NRXN1: variants seen among roughly 807,000 people sequenced by gnomAD.
The protein encoded by NRXN1 is neurexin-1.
In NRXN1, 39 loss-of-function variants were observed where a neutral mutation model predicts 150.9. That is an observed-to-expected ratio of 0.26 (90% CI 0.20 to 0.34). NRXN1 has a LOEUF of 0.34. Ranked by LOEUF, NRXN1 falls within the 10% of genes least tolerant of loss-of-function variation. The probability of loss-of-function intolerance (pLI) is 1.00; values close to 1 mark genes in which losing one functional copy is unlikely to be tolerated. For missense variants in NRXN1, 1,815 were observed against 1,949.9 expected, an observed-to-expected ratio of 0.93 and a Z score of 1.30; for synonymous variants, 924 against 757.0, an observed-to-expected ratio of 1.22 and a Z score of -3.62.
intron 15 of NRXN1, among the ~76,000 whole-genome samples, chr2:50,480,922 A>C (rs947359583): frequency 6.6e-6 from 1 of 152,182 alleles, no homozygotes; most frequent in African/African-American, 2.4e-5. Flanking sequence ...ACCAGAAAAA[A>C]CAGCTCTGAC....
chr2:50,250,905 ATATT>A (rs921036997), intron 17 of NRXN1, among the ~76,000 whole-genome samples: 16 of 151,720 alleles, frequency 1.1e-4, no homozygotes, highest in African/African-American at 3.6e-4. Flanking sequence ...ATGTAATTGT[ATATT>A]TATTACACAT....
intron 21 of NRXN1, among the ~76,000 whole-genome samples, chr2:49,995,408 C>T (rs563647189): frequency 2.0e-5 from 3 of 152,110 alleles, no homozygotes; most frequent in Non-Finnish European, 2.9e-5. Flanking sequence ...GAGAGAAAAT[C>T]TTGAAAATGT....
chr2:50,943,476 C>A (rs1689818288), intron 2 of NRXN1, among the ~76,000 whole-genome samples: 1 of 152,156 alleles, frequency 6.6e-6, no homozygotes, highest in Non-Finnish European at 1.5e-5. Flanking sequence ...AAGAACATTT[C>A]TATTTCTCTT....
chr2:50,378,484 G>A (rs1040076763), intron 17 of NRXN1, among the ~76,000 whole-genome samples: 3 of 152,028 alleles, frequency 2.0e-5, no homozygotes, highest in Admixed American at 6.6e-5. Context: ...GTAGAATTTC[G>A]GTTGCTTACC....
chr2:50,888,357 A>C (rs892264405), intron 5 of NRXN1, among the ~76,000 whole-genome samples: 12 of 151,570 alleles, frequency 7.9e-5, no homozygotes, highest in African/African-American at 1.7e-4. Flanking sequence ...ATTTCTTCCA[A>C]CTGATTTCAT....
At chr2:50,594,501 A>G (rs904145300) in intron 8 of NRXN1, among the ~76,000 whole-genome samples, 5 of 152,154 alleles carry the variant, frequency 3.3e-5, no homozygotes, top group African/African-American at 1.2e-4. Flanking sequence ...TAAACATGGA[A>G]GAAAGACCTC....
At chr2:49,951,110 A>G (rs940006243) in intron 21 of NRXN1, among the ~76,000 whole-genome samples, 6 of 151,944 alleles carry the variant, frequency 3.9e-5, no homozygotes, top group African/African-American at 1.2e-4. Context: ...GTTCATTTTT[A>G]TGTACATTTG....
rs200285441 is a variant in NRXN1, at chr2:49,920,632, A to G, written c.*1312T>C. The G allele has an allele frequency of 6.6e-6, 1 of 151,818 alleles. No individual in the cohort carries two copies. The highest frequency in any genetic ancestry group is 2.4e-5 in the African/African-American group (1 of 41,146). 9.4% of individuals were successfully genotyped at this position (151,818 alleles called of 1,614,324 possible). On this transcript the variant is annotated 3_prime_UTR_variant, in exon 23 of 23. Coordinates refer to ENST00000401669, the MANE Select transcript of NRXN1 (RefSeq NM_001330078.2). ...CTTCCTTCCTGCTTTTCAATTTGTC[A>G]ATAAATATTTGCTACTGTATGCACG...
At chr2:50,615,642 A>G (rs1678939438) in intron 8 of NRXN1, 1 of 152,178 alleles carries the variant, frequency 6.6e-6, no homozygotes, top group African/African-American at 2.4e-5. Flanking sequence ...ATTTTCATCT[A>G]TCTTTAAAGA....
intron 17 of NRXN1, among the ~76,000 whole-genome samples, chr2:50,441,153 TTAAGGAATCTAGGG>T (rs1254128339): frequency 6.6e-6 from 1 of 152,194 alleles, no homozygotes; most frequent in Non-Finnish European, 1.5e-5. Context: ...AAGATATCAC[TTAAGGAATCTAGGG>T]AATTTAAGAA....
chr2:50,389,320 A>G (rs184999019), intron 17 of NRXN1, among the ~76,000 whole-genome samples: 272 of 150,382 alleles, frequency 1.8e-3, no homozygotes, highest in African/African-American at 6.6e-3. Flanking sequence ...AAAATATGGA[A>G]TAAAATATGA....
chr2:49,965,310 A>G (rs1008423404), intron 21 of NRXN1, among the ~76,000 whole-genome samples: 6 of 151,970 alleles, frequency 3.9e-5, no homozygotes, highest in Non-Finnish European at 8.8e-5. Flanking sequence ...TCCGTCTCCC[A>G]GGCTGGAGTG....
intron 14 of NRXN1, 122 bp from the exon 15 acceptor site, chr2:50,496,217 A>G (rs2091610923): frequency 1.6e-6 from 1 of 639,162 alleles, no homozygotes; most frequent in African/African-American, 1.8e-5. Context: ...AGTCATGACA[A>G]TAAGTTACAT....
At chr2:50,261,788 C>A (rs530249476) in intron 17 of NRXN1, among the ~76,000 whole-genome samples, 31 of 151,850 alleles carry the variant, frequency 2.0e-4, no homozygotes, top group Middle Eastern at 3.2e-3. Flanking sequence ...TTAATAAATT[C>A]TCCTTGTCCT....
At chr2:50,722,230 T>TA (rs1444242710) in intron 5 of NRXN1, among the ~76,000 whole-genome samples, 2 of 152,064 alleles carry the variant, frequency 1.3e-5, no homozygotes, top group Non-Finnish European at 2.9e-5. Context: ...GCAAAATAAT[T>TA]AAAAAATATG....
intron 21 of NRXN1, among the ~76,000 whole-genome samples, chr2:49,987,211 C>T (rs1437140296): frequency 6.6e-6 from 1 of 152,020 alleles, no homozygotes; most frequent in Non-Finnish European, 1.5e-5. Context: ...CAATTCTGCT[C>T]TCTATTTCAA....
At chr2:50,725,654 A>G (rs545645561) in intron 5 of NRXN1, among the ~76,000 whole-genome samples, 1 of 152,172 alleles carries the variant, frequency 6.6e-6, no homozygotes, top group African/African-American at 2.4e-5. Flanking sequence ...CCCTTCTTAC[A>G]ACAGCCAATC....
intron 2 of NRXN1, among the ~76,000 whole-genome samples, chr2:50,942,516 G>A (rs1040426906): frequency 3.9e-5 from 6 of 152,276 alleles, no homozygotes; most frequent in African/African-American, 1.4e-4. Context: ...GCTGCCCAAG[G>A]CCTTGGGAGC....
chr2:49,923,940 C>A (rs1157952027), intron 22 of NRXN1, among the ~76,000 whole-genome samples: 3 of 152,202 alleles, frequency 2.0e-5, no homozygotes, highest in Admixed American at 2.0e-4. Flanking sequence ...TTTGGTGTTG[C>A]TTCTGTGGAC....
Sources: allele counts gnomAD v4.1 joint callset (sites outside exome capture counted in the v4.1 genomes callset), GRCh38; gene constraint gnomAD v4.1.1; transcripts MANE v1.5; gene names NCBI Gene and HGNC (gene_info 2026-07-23, HGNC 2026-07-21).